The following ERBIN variants were observed in gnomAD, a reference collection of about 807,000 sequenced individuals.
ERBIN encodes the protein erbb2 interacting protein.
A neutral mutation model predicts 158.4 loss-of-function variants in ERBIN; 60 were observed. The ratio of observed to expected loss-of-function variants is 0.38; its 90% CI spans 0.31 to 0.47. The LOEUF (loss-of-function observed/expected upper bound fraction) is 0.47. Ranked by LOEUF, ERBIN falls within the 20% of genes least tolerant of loss-of-function variation. The pLI is 0.99. For synonymous variants in ERBIN, 594 were observed against 557.2 expected (o/e 1.07, Z -0.93); for missense variants, 1,610 against 1,648.0 (o/e 0.98, Z 0.40).
At chr5:65,964,292 A>G (rs548864080) in intron 1 of ERBIN, among the ~76,000 whole-genome samples, 1 of 152,180 alleles carries the variant, frequency 6.6e-6, no homozygotes, top group Non-Finnish European at 1.5e-5. Flanking sequence ...AATTCTAGAA[A>G]TCTGTTACAC....
intron 6 of ERBIN, 124 bp from the exon 7 acceptor site, chr5:66,014,544 AT>A: frequency 6.0e-6 from 3 of 501,938 alleles, no homozygotes; most frequent in Middle Eastern, 5.4e-4. Context: ...GTAATTTTTA[AT>A]ATATTACTTT....
intron 15 of ERBIN, among the ~76,000 whole-genome samples, chr5:66,041,993 C>T (rs1757962610): frequency 6.6e-6 from 1 of 151,844 alleles, no homozygotes; most frequent in African/African-American, 2.4e-5. Flanking sequence ...AATTTCATTC[C>T]CATTGGTAAG....
At chr5:65,945,797 G>T (rs936814075) in intron 1 of ERBIN, among the ~76,000 whole-genome samples, 1 of 151,928 alleles carries the variant, frequency 6.6e-6, no homozygotes, top group Admixed American at 6.6e-5. Flanking sequence ...TTTTTATTTT[G>T]AGATAACTAT....
intron 15 of ERBIN, among the ~76,000 whole-genome samples, chr5:66,042,583 TG>T (rs1438381926): frequency 4.6e-5 from 7 of 152,118 alleles, no homozygotes; most frequent in Non-Finnish European, 8.8e-5. Flanking sequence ...TTGGATTTTT[TG>T]GATTAGGGAT....
Position 66,065,949 on chromosome 5 carries a change from A to G in ERBIN, c.3634-6220A>G, listed in dbSNP as rs184797950. 9.2e-5 allele frequency among the ~76,000 whole-genome samples: 14 copies of G among 152,238 alleles called. No homozygotes were observed. The East Asian group carries it at 2.3e-3, about 25-fold the overall frequency. On this transcript the variant is annotated intron_variant, in intron 21 of 25. Coordinates refer to ENST00000284037, the MANE Select transcript of ERBIN (RefSeq NM_001253697.2). ...TGATTCTACCACCAGCCTCCTAAAA[A>G]TAATTTTATTCAGTAAAAATAATCC...
chr5:65,955,484 G>T (rs1403880166), intron 1 of ERBIN, among the ~76,000 whole-genome samples: 1 of 152,116 alleles, frequency 6.6e-6, no homozygotes. Flanking sequence ...AGAAAAATTA[G>T]CTGGGCATGG....
chr5:66,032,347 G>C (rs1342049543), intron 14 of ERBIN, among the ~76,000 whole-genome samples: 2 of 152,166 alleles, frequency 1.3e-5, no homozygotes, highest in African/African-American at 4.8e-5. Context: ...ATTCAAGCTA[G>C]TGGAAAATTG....
chr5:66,043,216 T>A lies in ERBIN; in HGVS notation c.1428+18T>A. 6.2e-7 allele frequency: 1 copy of A among 1,607,626 alleles called. No individual in the cohort carries two copies. The highest frequency in any genetic ancestry group is 8.5e-7 in the Non-Finnish European group (1 of 1,177,766). On this transcript the variant is annotated intron_variant, in intron 16 of 25. Coordinates refer to ENST00000284037, the MANE Select transcript of ERBIN (RefSeq NM_001253697.2). ...CTCCCAGGGTGAGTCTGTTCTTTAT[T>A]CTTTAAAATTTGAAACAAGTCTGCT... is the stretch of plus-strand genomic sequence containing the variant.
At chr5:65,939,698 C>T (rs959947285) in intron 1 of ERBIN, among the ~76,000 whole-genome samples, 118 of 152,356 alleles carry the variant, frequency 7.7e-4, no homozygotes, top group African/African-American at 2.7e-3. Context: ...AGGCGTGCGC[C>T]ACCACGCCTG....
At chr5:66,036,649 C>T (rs1757424057) in intron 14 of ERBIN, among the ~76,000 whole-genome samples, 1 of 152,166 alleles carries the variant, frequency 6.6e-6, no homozygotes, top group South Asian at 2.1e-4. Flanking sequence ...CTCTCATAAA[C>T]TCTACAGTAA....
At position 66,054,000 on chromosome 5, in the gene ERBIN, G is replaced by T; in HGVS notation, c.2682G>T (p.Gln894His). The T allele has an allele frequency of 6.2e-7, 1 of 1,614,094 alleles. No individual in the cohort carries two copies. The highest frequency in any genetic ancestry group is 8.5e-7 in the Non-Finnish European group (1 of 1,180,016). The change falls in exon 21 of 26, where the codon CAG (glutamine) becomes CAT (histidine). Residue 894 changes from glutamine (Q) to histidine (H), a missense_variant. Gln to His is a conservative substitution (Grantham distance 24). Transcript: ENST00000284037. The stretch of plus-strand genomic sequence containing the variant: ...TTCTTAGTGATAATGGACCTCAGCA[G>T]CCAAGTACAACCGTTAAAATCACAT... ...YDILSDNGPQ[Q>H]PSTTVKITSA...
At chr5:66,016,081 CTG>C (rs1345288629) in intron 7 of ERBIN, among the ~76,000 whole-genome samples, 3 of 152,108 alleles carry the variant, frequency 2.0e-5, no homozygotes, top group Non-Finnish European at 2.9e-5. Context: ...AGGACAGAGA[CTG>C]TGTCTGTTTT....
chr5:66,023,681 T>G (rs1755935041), intron 9 of ERBIN, among the ~76,000 whole-genome samples: 1 of 149,804 alleles, frequency 6.7e-6, no homozygotes, highest in Non-Finnish European at 1.5e-5. Flanking sequence ...GAATTTTTTT[T>G]TTTTTTTTTT....
intron 7 of ERBIN, among the ~76,000 whole-genome samples, chr5:66,017,520 T>A (rs76307535): frequency 1.6e-4 from 1 of 6,390 alleles, no homozygotes; most frequent in Non-Finnish European, 6.4e-4. Flanking sequence ...ACAATAGAAT[T>A]TTTTTTTTTT....
chr5:66,019,297 A>G (rs1755435794), intron 7 of ERBIN, among the ~76,000 whole-genome samples: 1 of 152,216 alleles, frequency 6.6e-6, no homozygotes, highest in South Asian at 2.1e-4. Flanking sequence ...ATATGACTAT[A>G]TCAAAGATTA....
chr5:66,072,365 A>G, intron 22 of ERBIN, 74 bp downstream of exon 22: 2 of 1,446,266 alleles, frequency 1.4e-6, no homozygotes, highest in African/African-American at 1.4e-5. Context: ...TAGATATTAT[A>G]TGTGCTTTAG....
chr5:65,995,796 T>C (rs1752372074), intron 4 of ERBIN, among the ~76,000 whole-genome samples: 2 of 152,302 alleles, frequency 1.3e-5, no homozygotes, highest in East Asian at 1.9e-4. Context: ...TTAGTCTTTT[T>C]ACTCATTCTA....
At chr5:65,958,586 G>A (rs1288936113) in intron 1 of ERBIN, among the ~76,000 whole-genome samples, 1 of 151,316 alleles carries the variant, frequency 6.6e-6, no homozygotes, top group Non-Finnish European at 1.5e-5. Context: ...GTCCAGCTTC[G>A]GCTGGGCATC....
At position 66,050,779 on chromosome 5, in the gene ERBIN, T is replaced by G; in HGVS notation, c.1904-4T>G. 1 of 1,516,554 alleles carries G rather than the reference T, an allele frequency of 6.6e-7. No homozygotes were observed. The highest frequency in any genetic ancestry group is 1.4e-5 in the African/African-American group (1 of 69,896). The allele number at this position is 1,516,554 out of a possible 1,614,324, so 93.9% of individuals were successfully genotyped here. A position where few individuals can be genotyped will look rare whatever the true frequency, so the allele number is the denominator to read the frequency against. On this transcript the variant is annotated splice_region_variant and splice_polypyrimidine_tract_variant and intron_variant, in intron 19 of 25. Coordinates refer to ENST00000284037, the MANE Select transcript of ERBIN (RefSeq NM_001253697.2). ...TCATTAATCTTAAATTTGTTTTGTT[T>G]CAGATGATACAAAGGAAACAGATTC...
Sources: gnomAD v4.1 joint callset for allele counts (sites outside exome capture counted in the v4.1 genomes callset) on GRCh38, gnomAD v4.1.1 for gene constraint, MANE v1.5 for transcripts, NCBI Gene and HGNC (gene_info 2026-07-23, HGNC 2026-07-21) for gene names.